The following TMC1 variants were observed in gnomAD, a reference collection of about 807,000 sequenced individuals.
TMC1 encodes transmembrane channel like 1, also known as transmembrane channel-like protein 1.
A neutral mutation model predicts 105.8 loss-of-function variants in TMC1; 84 were observed. The ratio of observed to expected loss-of-function variants is 0.79; its 90% CI spans 0.67 to 0.95. The LOEUF is 0.95. Among genes scored for constraint, TMC1 ranks in the 40% least tolerant of loss-of-function variants. The probability of loss-of-function intolerance (pLI) is 0.00; values close to 1 mark genes in which losing one functional copy is unlikely to be tolerated. For missense variants in TMC1, 817 were observed against 914.1 expected, an observed-to-expected ratio of 0.89 and a Z score of 1.37; for synonymous variants, 315 against 311.5, an observed-to-expected ratio of 1.01 and a Z score of -0.12.
rs371947894 is a variant in TMC1 at position 72,826,934 on chromosome 9, C to T, written c.2069C>T (p.Ala690Val). 19 of 1,613,912 alleles carry T rather than the reference C, an allele frequency of 1.2e-5. No individual in the cohort carries two copies. The highest frequency in any genetic ancestry group is 6.7e-5 in the African/African-American group (5 of 74,894). Residue 690 changes from alanine (A) to valine (V), a missense_variant, in exon 21 of 24, where the codon GCG (alanine) becomes GTG (valine). Physicochemically the swap from Ala to Val is moderately conservative, Grantham distance 64. Transcript: ENST00000297784. Reference sequence around the variant, plus strand: ...GAGCACGATTTCCCAAGCTGGATGGCGAAGATCTTGAGACAGCTTTCAAAC... The same window carrying T: ...GAGCACGATTTCCCAAGCTGGATGGTGAAGATCTTGAGACAGCTTTCAAAC... ...TLEHDFPSWM[A>V]KILRQLSNPG...
At chr9:72,821,196 G>C in intron 20 of TMC1, 115 bp downstream of exon 20, 1 of 1,510,016 alleles carries the variant, frequency 6.6e-7, no homozygotes, top group Non-Finnish European at 9.1e-7. Flanking sequence ...TTTTTGGTTG[G>C]TGGAAATGAG....
chr9:72,609,216 CCT>C (rs1824981688), intron 2 of TMC1, among the ~76,000 whole-genome samples: 1 of 149,414 alleles, frequency 6.7e-6, no homozygotes, highest in Non-Finnish European at 1.5e-5. Context: ...TTCCTTCCTT[CCT>C]TCCTTCCTTC....
At chr9:72,756,096 A>G (rs1332554171) in intron 12 of TMC1, among the ~76,000 whole-genome samples, 2 of 152,328 alleles carry the variant, frequency 1.3e-5, no homozygotes, top group African/African-American at 4.8e-5. Flanking sequence ...AGTTAGCATG[A>G]GGCACAATGA....
At chr9:72,538,506 G>T (rs1254507629) in intron 1 of TMC1, among the ~76,000 whole-genome samples, 1 of 151,704 alleles carries the variant, frequency 6.6e-6, no homozygotes, top group Non-Finnish European at 1.5e-5. Flanking sequence ...GCACGATCTC[G>T]GCTCACTGTA....
intron 3 of TMC1, among the ~76,000 whole-genome samples, chr9:72,625,012 G>C (rs1435005436): frequency 1.3e-5 from 2 of 152,212 alleles, no homozygotes; most frequent in African/African-American, 4.8e-5. Context: ...TCTGAATATA[G>C]ATGTTGTGAT....
chr9:72,546,990 T>A (rs1823779782), intron 1 of TMC1, among the ~76,000 whole-genome samples: 1 of 152,096 alleles, frequency 6.6e-6, no homozygotes, highest in Admixed American at 6.6e-5. Flanking sequence ...GAATCTTTTT[T>A]AAAATTGATA....
intron 1 of TMC1, among the ~76,000 whole-genome samples, chr9:72,563,305 C>T (rs1824090265): frequency 6.6e-6 from 1 of 152,110 alleles, no homozygotes; most frequent in Non-Finnish European, 1.5e-5. Flanking sequence ...AGAAATTGTT[C>T]AACCATCATC....
At chr9:72,801,444 G>T (rs1406770331) in intron 17 of TMC1, among the ~76,000 whole-genome samples, 1 of 152,170 alleles carries the variant, frequency 6.6e-6, no homozygotes, top group African/African-American at 2.4e-5. Flanking sequence ...AATGACAGGA[G>T]CCCCAGTTCA....
At chr9:72,748,570 T>C (rs1030727060) in intron 10 of TMC1, among the ~76,000 whole-genome samples, 12 of 152,190 alleles carry the variant, frequency 7.9e-5, no homozygotes, top group African/African-American at 1.4e-4. Flanking sequence ...CACTGAGAGA[T>C]TAAGTATGTT....
chr9:72,725,673 A>G (rs1486336464), intron 8 of TMC1, among the ~76,000 whole-genome samples: 6 of 151,438 alleles, frequency 4.0e-5, no homozygotes, highest in Admixed American at 2.0e-4. Flanking sequence ...TCCCCAGCCC[A>G]CTGACTCAAA....
At chr9:72,655,920 A>C in intron 5 of TMC1, 1 of 798,220 alleles carries the variant, frequency 1.3e-6, no homozygotes, top group Non-Finnish European at 2.2e-6. Context: ...AGGACTGAGC[A>C]AGTCAATGAG....
intron 10 of TMC1, among the ~76,000 whole-genome samples, chr9:72,743,570 A>AAAC (rs1207052345): frequency 2.7e-5 from 4 of 149,522 alleles, no homozygotes; most frequent in African/African-American, 9.8e-5. Flanking sequence ...CTGTTTCAAA[A>AAAC]AAAAAAAAAA....
intron 6 of TMC1, 92 bp downstream of exon 6, chr9:72,688,848 G>A (rs1258831464): frequency 9.4e-7 from 1 of 1,059,470 alleles, no homozygotes; most frequent in African/African-American, 1.6e-5. Flanking sequence ...GCTACCATAT[G>A]TAAGCAGAAG....
intron 2 of TMC1, among the ~76,000 whole-genome samples, chr9:72,584,555 C>T (rs1321394665): frequency 1.3e-5 from 2 of 151,860 alleles, no homozygotes; most frequent in Admixed American, 1.3e-4. Context: ...GCATGAGCCA[C>T]CGCACCCAGC....
intron 13 of TMC1, among the ~76,000 whole-genome samples, chr9:72,780,068 C>A (rs1364238812): frequency 6.6e-6 from 1 of 152,134 alleles, no homozygotes; most frequent in Non-Finnish European, 1.5e-5. Context: ...GACCTTTCAG[C>A]AGAAGCAGTA....
rs1301444454 is a variant in TMC1 at position 72,772,518 on chromosome 9, ATG to A, written c.850_851del (p.Cys284HisfsTer18). On this transcript the variant is annotated frameshift_variant, in exon 13 of 24. Coordinates refer to ENST00000297784, the MANE Select transcript of TMC1 (RefSeq NM_138691.3). LOFTEE classifies it high-confidence loss of function. ...GCTCTCCTATTTTCTAGTGGGGATT[ATG>A]TGCATTGGATACAGCTTTCTGGTTG... The part of the protein sequence containing the change: ...LPLSYFLVGI[M>X]CIGYSFLVVL... 1 of 1,613,890 alleles carries A rather than the reference ATG, an allele frequency of 6.2e-7. No homozygotes were observed. The highest frequency in any genetic ancestry group is 1.7e-5 in the Admixed American group (1 of 60,012).
chr9:72,690,404 A>C (rs1826445200), intron 6 of TMC1, among the ~76,000 whole-genome samples: 2 of 152,148 alleles, frequency 1.3e-5, no homozygotes, highest in Admixed American at 1.3e-4. Context: ...GTATTTGTCT[A>C]CATATTTACC....
chr9:72,735,065 C>T (rs1480680567), intron 8 of TMC1, among the ~76,000 whole-genome samples: 1 of 152,210 alleles, frequency 6.6e-6, no homozygotes, highest in Non-Finnish European at 1.5e-5. Context: ...TAATTACCAA[C>T]ACAACGGATT....
At chr9:72,742,334 C>T in intron 9 of TMC1, 110 bp from the exon 10 acceptor site, 1 of 854,084 alleles carries the variant, frequency 1.2e-6, no homozygotes, top group African/African-American at 1.7e-5. Flanking sequence ...GTATTTGCTG[C>T]CAGAGAGACA....
Sources: allele counts gnomAD v4.1 joint callset (sites outside exome capture counted in the v4.1 genomes callset), GRCh38; gene constraint gnomAD v4.1.1; transcripts MANE v1.5; gene names NCBI Gene and HGNC (gene_info 2026-07-23, HGNC 2026-07-21).